Variants in NEK1 observed in about 807,000 individuals in gnomAD.
The protein encoded by NEK1 is serine/threonine-protein kinase Nek1.
NEK1 carries 137 observed loss-of-function variants against 182.1 expected under a neutral mutation model. The observed-to-expected ratio is 0.75, with a 90% CI of 0.65 to 0.87. The LOEUF (loss-of-function observed/expected upper bound fraction) is 0.87, where lower values mean the gene tolerates loss of function less well. Ranked by LOEUF, NEK1 falls within the 40% of genes least tolerant of loss-of-function variation. NEK1 has a pLI of 0.00. For missense variants in NEK1, 1,391 were observed against 1,494.4 expected (o/e 0.93, Z 1.14); for synonymous variants, 513 against 492.2 (o/e 1.04, Z -0.56).
intron 8 of NEK1, 101 bp downstream of exon 8, chr4:169,588,548 T>C: frequency 1.5e-6 from 1 of 653,634 alleles, no homozygotes; most frequent in Non-Finnish European, 2.7e-6. Context: ...TGTTTACATG[T>C]ATGTATTATT....
intron 5 of NEK1, among the ~76,000 whole-genome samples, chr4:169,594,059 T>C (rs1311439259): frequency 6.6e-6 from 1 of 152,124 alleles, no homozygotes; most frequent in African/African-American, 2.4e-5. Context: ...ATTAGTTCCA[T>C]ATTAATATTT....
At position 169,406,668 on chromosome 4, in the gene NEK1, C is replaced by T. The variant is rs774285113; in HGVS notation, c.3302G>A (p.Arg1101His). 21 of 1,607,564 alleles carry T rather than the reference C, an allele frequency of 1.3e-5. No individual in the cohort carries two copies. Among genetic ancestry groups the T allele is most frequent in the East Asian group, 2.2e-5 (1 of 44,624 alleles). ...LMDVPTVGDV[R>H]QDNLEIDEIE... Reference sequence around the variant, plus strand: ...TTCATCTATTTCAAGATTGTCTTGACGAACATCTCCTACGGTGGGAACATC... The same window carrying T: ...TTCATCTATTTCAAGATTGTCTTGATGAACATCTCCTACGGTGGGAACATC... The change falls in exon 32 of 36, where the codon CGT becomes CAT. Residue 1101 changes from arginine to histidine, a missense_variant. By Grantham distance (29) the Arg-to-His change is conservative (BLOSUM62 0). Transcript: ENST00000507142.
chr4:169,556,317 T>C (rs1762159868), intron 16 of NEK1, among the ~76,000 whole-genome samples: 1 of 152,132 alleles, frequency 6.6e-6, no homozygotes, highest in South Asian at 2.1e-4. Context: ...AAGCATAATG[T>C]GACAAACAAA....
At chr4:169,406,892 T>C (rs1669498690) in intron 31 of NEK1, 145 bp from the exon 32 acceptor site, 2 of 337,114 alleles carry the variant, frequency 5.9e-6, no homozygotes, top group African/African-American at 2.2e-5. Flanking sequence ...AACATATATA[T>C]GTAACATATA....
chr4:169,540,914 G>GT (rs1475308651), intron 18 of NEK1, among the ~76,000 whole-genome samples: 1 of 151,802 alleles, frequency 6.6e-6, no homozygotes, highest in African/African-American at 2.4e-5. Flanking sequence ...GGAAAAGGGA[G>GT]TAAGTTATTT....
At chr4:169,603,440 T>G (rs1213363064) in intron 2 of NEK1, among the ~76,000 whole-genome samples, 1 of 152,220 alleles carries the variant, frequency 6.6e-6, no homozygotes, top group Non-Finnish European at 1.5e-5. Context: ...ATTTGTTATG[T>G]AAACTTAGGC....
chr4:169,427,731 G>A (rs1195349234), intron 29 of NEK1, among the ~76,000 whole-genome samples: 1 of 146,834 alleles, frequency 6.8e-6, no homozygotes, highest in Non-Finnish European at 1.5e-5. Context: ...CCTGACCTCA[G>A]GTGATCCACC....
intron 23 of NEK1, among the ~76,000 whole-genome samples, chr4:169,501,731 C>T (rs1452578638): frequency 6.6e-6 from 1 of 151,986 alleles, no homozygotes; most frequent in Non-Finnish European, 1.5e-5. Flanking sequence ...CATACCAAAA[C>T]CTCTGAGATA....
At chr4:169,452,906 T>TA (rs145962879) in intron 27 of NEK1, among the ~76,000 whole-genome samples, 43,298 of 151,738 alleles carry the variant, frequency 0.29, 8,811 homozygotes, top group African/African-American at 0.58. Flanking sequence ...ATTGTATATT[T>TA]AAAACCCTAT....
chr4:169,492,926 G>A (rs932694890), intron 23 of NEK1, among the ~76,000 whole-genome samples: 8 of 152,296 alleles, frequency 5.3e-5, no homozygotes, highest in African/African-American at 1.9e-4. Flanking sequence ...CGGAACAAAC[G>A]TGGAGAAGGG....
chr4:169,534,242 C>T (rs1758108377), intron 19 of NEK1, among the ~76,000 whole-genome samples: 1 of 152,150 alleles, frequency 6.6e-6, no homozygotes, highest in African/African-American at 2.4e-5. Context: ...TTTTCAAACA[C>T]TGGACAACAG....
intron 23 of NEK1, among the ~76,000 whole-genome samples, chr4:169,489,064 A>AT (rs1001974654): frequency 6.6e-6 from 1 of 152,222 alleles, no homozygotes; most frequent in East Asian, 1.9e-4. Flanking sequence ...TCCCAGTCTC[A>AT]TTTTTTTCCC....
At chr4:169,554,897 G>A (rs903617175) in intron 18 of NEK1, 1 of 152,154 alleles carries the variant, frequency 6.6e-6, no homozygotes, top group Admixed American at 6.6e-5. Context: ...GCATGTGTGA[G>A]GAAGGGGTAC....
chr4:169,521,891 G>A lies in NEK1; in HGVS notation c.1666-13039C>T, dbSNP rs190533199. Among the ~76,000 whole-genome samples, 7 of 152,142 alleles carry A rather than the reference G, an allele frequency of 4.6e-5. No homozygotes were observed. The East Asian group carries it at 7.7e-4, about 17-fold the overall frequency. On this transcript the variant is annotated intron_variant, in intron 19 of 35. Transcript: ENST00000507142. ...TAAAAACATTTCTTAGTGTGGATTC[G>A]AGTTTATCTTATTGTAGGATTTGCT...
rs1253247764 is a variant in NEK1 at position 169,508,899 on chromosome 4, A to G, written c.1666-47T>C. The stretch of plus-strand genomic sequence containing the variant: ...AAGTTTAAAGAATGACTAAGGCTAC[A>G]TTATTATCTTACCAAGGAATATCCA... On this transcript the variant is annotated intron_variant, in intron 19 of 35. Coordinates refer to ENST00000507142, the MANE Select transcript of NEK1 (RefSeq NM_001199397.3). The G allele has an allele frequency of 2.1e-6, 3 of 1,427,506 alleles. No homozygotes were observed. In the African/African-American group the frequency reaches 4.2e-5, roughly 20 times the overall value. The allele number at this position is 1,427,506 out of a possible 1,614,324, so 88.4% of individuals were successfully genotyped here.
intron 35 of NEK1, among the ~76,000 whole-genome samples, chr4:169,398,325 TAG>T (rs1245846010): frequency 1.3e-5 from 2 of 152,050 alleles, no homozygotes; most frequent in African/African-American, 2.4e-5. Flanking sequence ...CTGGGGTTTA[TAG>T]ACCCTTGGAT....
intron 31 of NEK1, among the ~76,000 whole-genome samples, chr4:169,415,224 A>T (rs1734340632): frequency 6.6e-6 from 1 of 152,228 alleles, no homozygotes. Context: ...ACCTTTCACA[A>T]ACTAACCTTC....
chr4:169,522,783 C>A (rs1186112496), intron 19 of NEK1, among the ~76,000 whole-genome samples: 1 of 152,168 alleles, frequency 6.6e-6, no homozygotes, highest in African/African-American at 2.4e-5. Flanking sequence ...CTCATCAGGT[C>A]CCTGGTGTCA....
intron 12 of NEK1, among the ~76,000 whole-genome samples, chr4:169,572,763 C>T (rs1765074826): frequency 6.6e-6 from 1 of 151,858 alleles, no homozygotes. Context: ...AAGGAGGGGG[C>T]AATCAAGTGA....
Sources: allele counts gnomAD v4.1 joint callset (sites outside exome capture counted in the v4.1 genomes callset), GRCh38; gene constraint gnomAD v4.1.1; transcripts MANE v1.5; gene names NCBI Gene and HGNC (gene_info 2026-07-23, HGNC 2026-07-21).